The following FOCAD variants were observed in gnomAD, a reference collection of about 807,000 sequenced individuals.
The protein encoded by FOCAD is focadhesin.
In FOCAD, 198 loss-of-function variants were observed where a neutral mutation model predicts 225.6. That is an observed-to-expected ratio of 0.88 (90% CI 0.78 to 0.99). The LOEUF (loss-of-function observed/expected upper bound fraction) is 0.99. FOCAD is among the 50% of genes least tolerant of loss of function. The probability of loss-of-function intolerance (pLI) is 0.00; values close to 1 mark genes in which losing one functional copy is unlikely to be tolerated. For missense variants in FOCAD, 2,713 were observed against 2,123.6 expected (o/e 1.28, Z -5.46); for synonymous variants, 897 against 755.0 (o/e 1.19, Z -3.08).
At chr9:20,854,847 T>C in intron 15 of FOCAD, among the ~76,000 whole-genome samples, 1 of 151,780 alleles carries the variant, frequency 6.6e-6, no homozygotes, top group East Asian at 1.9e-4. Flanking sequence ...GTTTTGCCCC[T>C]ACTATTCAAT....
chr9:20,867,683 T>C (rs1223812959), intron 18 of FOCAD, among the ~76,000 whole-genome samples: 2 of 152,064 alleles, frequency 1.3e-5, no homozygotes, highest in Non-Finnish European at 2.9e-5. Flanking sequence ...GATTTCTTAT[T>C]TAGTGCCACT....
chr9:20,780,771 T>G (rs1045498436), intron 9 of FOCAD, among the ~76,000 whole-genome samples: 2 of 152,240 alleles, frequency 1.3e-5, no homozygotes, highest in Admixed American at 1.3e-4. Context: ...ATTCATTTCC[T>G]GTTATATTAA....
intron 8 of FOCAD, among the ~76,000 whole-genome samples, chr9:20,776,744 A>C (rs12551126): frequency 0.36 from 54,893 of 152,082 alleles, 10,093 homozygotes; most frequent in East Asian, 0.49. Context: ...TGTGTGAAAA[A>C]GGCTTTCCAA....
At position 20,988,710 on chromosome 9, in the gene FOCAD, AT is replaced by A. The variant is rs1178772370; in HGVS notation, c.5004+285del. On this transcript the variant is annotated intron_variant, in intron 41 of 43. Coordinates refer to ENST00000338382, the MANE Select transcript of FOCAD (RefSeq NM_001375567.1). ...CACCCAAGGCTGCCCTTTGAGAAAT[AT>A]TTTCAACAAAATATGTTTCTTGACA... Among the ~76,000 whole-genome samples the A allele has an allele frequency of 1.1e-4, 17 of 152,030 alleles. 1 individual carries two copies. Among genetic ancestry groups the A allele is most frequent in the Admixed American group, 1.1e-3 (17 of 15,258 alleles).
At chr9:20,960,450 A>T (rs565796694) in intron 35 of FOCAD, among the ~76,000 whole-genome samples, 1 of 152,260 alleles carries the variant, frequency 6.6e-6, no homozygotes, top group South Asian at 2.1e-4. Context: ...TCATGTGGAG[A>T]TGTTTTGAAA....
At chr9:20,929,684 G>T in intron 27 of FOCAD, 88 bp downstream of exon 27, 1 of 1,030,146 alleles carries the variant, frequency 9.7e-7, no homozygotes, top group Non-Finnish European at 1.5e-6. Context: ...TATAAACATT[G>T]TATCTGAGCA....
At chr9:20,768,487 T>A (rs1013879865) in intron 7 of FOCAD, among the ~76,000 whole-genome samples, 1 of 151,710 alleles carries the variant, frequency 6.6e-6, no homozygotes, top group African/African-American at 2.4e-5. Context: ...TTTGTTTGTA[T>A]CCTCTTTTAT....
At chr9:20,804,785 G>A (rs1169479233) in intron 11 of FOCAD, among the ~76,000 whole-genome samples, 1 of 149,198 alleles carries the variant, frequency 6.7e-6, no homozygotes, top group Non-Finnish European at 1.5e-5. Flanking sequence ...TATTTTAGCG[G>A]TAAATGACAC....
At chr9:20,831,486 C>G (rs578032327) in intron 15 of FOCAD, among the ~76,000 whole-genome samples, 5 of 152,100 alleles carry the variant, frequency 3.3e-5, no homozygotes, top group African/African-American at 1.2e-4. Context: ...TTTTGGCCTT[C>G]TAGGAGCTCA....
intron 1 of FOCAD, among the ~76,000 whole-genome samples, chr9:20,707,322 C>G (rs1176932650): frequency 2.6e-5 from 4 of 152,072 alleles, no homozygotes; most frequent in African/African-American, 9.7e-5. Flanking sequence ...AATATAATAA[C>G]TAAAAATTAC....
intron 35 of FOCAD, among the ~76,000 whole-genome samples, chr9:20,964,914 G>C (rs1839124421): frequency 6.6e-6 from 1 of 152,162 alleles, no homozygotes; most frequent in African/African-American, 2.4e-5. Context: ...TGGCAGGAGG[G>C]AGCAGGTTAG....
intron 11 of FOCAD, among the ~76,000 whole-genome samples, chr9:20,794,653 CA>C (rs1415862397): frequency 6.6e-6 from 1 of 151,998 alleles, no homozygotes. Flanking sequence ...TCCAGAACCT[CA>C]AGGATGAAGG....
chr9:20,890,601 C>G (rs1477311610), intron 21 of FOCAD, among the ~76,000 whole-genome samples: 1 of 152,016 alleles, frequency 6.6e-6, no homozygotes, highest in Non-Finnish European at 1.5e-5. Context: ...ATTTTTGCAT[C>G]TGTGCTCATG....
At chr9:20,747,445 T>C (rs1206355497) in intron 5 of FOCAD, among the ~76,000 whole-genome samples, 1 of 152,198 alleles carries the variant, frequency 6.6e-6, no homozygotes, top group Non-Finnish European at 1.5e-5. Context: ...TATTGAGATA[T>C]AATTTATGTA....
At chr9:20,705,253 C>G (rs1243864475) in intron 1 of FOCAD, among the ~76,000 whole-genome samples, 3 of 152,204 alleles carry the variant, frequency 2.0e-5, no homozygotes, top group Admixed American at 2.0e-4. Flanking sequence ...TTCCAGTGTA[C>G]CTATTATTAA....
chr9:20,809,201 G>T (rs903461622), intron 11 of FOCAD, among the ~76,000 whole-genome samples: 2 of 152,118 alleles, frequency 1.3e-5, no homozygotes, highest in African/African-American at 4.8e-5. Context: ...GTTTTCCAAG[G>T]TTTTGTTGTT....
chr9:20,823,228 C>A, intron 15 of FOCAD, 113 bp downstream of exon 15: 1 of 1,212,566 alleles, frequency 8.2e-7, no homozygotes, highest in South Asian at 1.6e-5. Flanking sequence ...TGTTCATTCC[C>A]AGTGAATTTT....
chr9:20,809,103 C>G (rs1224990162), intron 11 of FOCAD, among the ~76,000 whole-genome samples: 1 of 152,164 alleles, frequency 6.6e-6, no homozygotes, highest in Non-Finnish European at 1.5e-5. Context: ...TTATGCAGAT[C>G]TAACTCATGG....
chr9:20,937,532 A>G lies in FOCAD; in HGVS notation c.3407+4429A>G, dbSNP rs1281353735. ...GGGAAAACTGGCTAGCCATATGTAG[A>G]AAGCTGAAACTGGATCCCTTCCTTA... On this transcript the variant is annotated intron_variant, in intron 28 of 43. Coordinates refer to ENST00000338382, the MANE Select transcript of FOCAD (RefSeq NM_001375567.1). 7.9e-5 allele frequency among the ~76,000 whole-genome samples: 12 copies of G among 151,790 alleles called. No individual in the cohort carries two copies. The South Asian group carries it at 2.3e-3, about 29-fold the overall frequency.
Sources: gnomAD v4.1 joint callset for allele counts (sites outside exome capture counted in the v4.1 genomes callset) on GRCh38, gnomAD v4.1.1 for gene constraint, MANE v1.5 for transcripts, NCBI Gene and HGNC (gene_info 2026-07-23, HGNC 2026-07-21) for gene names.